Variants in STX8 observed in about 807,000 individuals in gnomAD.
STX8 encodes the protein syntaxin-8.
Under a neutral mutation model 37.5 loss-of-function variants are expected in STX8, and 23 were observed. The ratio of observed to expected loss-of-function variants is 0.61; its 90% CI spans 0.44 to 0.87. The LOEUF (loss-of-function observed/expected upper bound fraction) is 0.87. Among genes scored for constraint, STX8 ranks in the 40% least tolerant of loss-of-function variants. The pLI is 0.00. For synonymous variants in STX8, 115 were observed against 99.1 expected, an observed-to-expected ratio of 1.16 and a Z score of -0.95; for missense variants, 313 against 284.7, an observed-to-expected ratio of 1.10 and a Z score of -0.71.
At chr17:9,459,149 C>G (rs191517245) in intron 6 of STX8, among the ~76,000 whole-genome samples, 3 of 152,090 alleles carry the variant, frequency 2.0e-5, no homozygotes, top group Non-Finnish European at 4.4e-5. Context: ...GTTATTTTAA[C>G]AGAAAGAATT....
chr17:9,382,816 C>T (rs1911868023), intron 6 of STX8, among the ~76,000 whole-genome samples: 1 of 152,006 alleles, frequency 6.6e-6, no homozygotes, highest in Admixed American at 6.6e-5. Flanking sequence ...TTCTGATTTC[C>T]CCACAGGGCA....
chr17:9,560,671 A>C (rs1480252126), intron 2 of STX8, among the ~76,000 whole-genome samples: 1 of 152,106 alleles, frequency 6.6e-6, no homozygotes, highest in East Asian at 1.9e-4. Context: ...ATCTATAAAC[A>C]TACATGTCTA....
intron 6 of STX8, among the ~76,000 whole-genome samples, chr17:9,396,664 C>T (rs1040939793): frequency 2.7e-5 from 4 of 148,384 alleles, no homozygotes; most frequent in Admixed American, 6.7e-5. Flanking sequence ...GAGTCGAGAT[C>T]GAGCCATTGC....
At chr17:9,330,038 G>A (rs139645788) in intron 7 of STX8, among the ~76,000 whole-genome samples, 2,335 of 152,260 alleles carry the variant, frequency 0.015, 31 homozygotes, top group South Asian at 0.03. Context: ...GCAGAGGGCA[G>A]AGGTGCGATA....
intron 7 of STX8, among the ~76,000 whole-genome samples, chr17:9,259,876 G>A (rs574736055): frequency 9.9e-5 from 15 of 152,186 alleles, no homozygotes; most frequent in African/African-American, 2.9e-4. Context: ...GAGCCTGTGC[G>A]TCTGGCCATG....
intron 5 of STX8, among the ~76,000 whole-genome samples, chr17:9,501,385 A>T (rs1020437833): frequency 6.6e-6 from 1 of 152,212 alleles, no homozygotes; most frequent in Non-Finnish European, 1.5e-5. Context: ...ATGGAAAAGA[A>T]CAGAGAGTAC....
intron 6 of STX8, among the ~76,000 whole-genome samples, chr17:9,441,098 T>C (rs1436265687): frequency 6.6e-6 from 1 of 152,118 alleles, no homozygotes; most frequent in Non-Finnish European, 1.5e-5. Flanking sequence ...GGCGTGAAGA[T>C]GTACTCAAAT....
chr17:9,396,728 A>C (rs1443550833), intron 6 of STX8, among the ~76,000 whole-genome samples: 2 of 148,748 alleles, frequency 1.3e-5, no homozygotes, highest in Admixed American at 6.7e-5. Context: ...AAAAAAAAAA[A>C]CAACTCTATA....
intron 6 of STX8, among the ~76,000 whole-genome samples, chr17:9,449,491 A>G (rs28831421): frequency 0.11 from 15,953 of 151,724 alleles, 2,396 homozygotes; most frequent in African/African-American, 0.33. Flanking sequence ...ACCCCGGGGG[A>G]CGGAGCCTGC....
chr17:9,452,551 T>G (rs1905075837), intron 6 of STX8: 1 of 152,038 alleles, frequency 6.6e-6, no homozygotes, highest in East Asian at 1.9e-4. Flanking sequence ...CTGAACCCGA[T>G]GCCGCAGAAG....
chr17:9,544,508 A>C (rs1212462169), intron 4 of STX8, among the ~76,000 whole-genome samples: 2 of 152,236 alleles, frequency 1.3e-5, no homozygotes, highest in East Asian at 3.9e-4. Context: ...CCAATTAAAA[A>C]AAAAAACAAA....
chr17:9,519,701 G>C (rs9904848), intron 4 of STX8, among the ~76,000 whole-genome samples: 148,444 of 150,716 alleles, frequency 0.98, 73,148 homozygotes, highest in Middle Eastern at 1. Context: ...CAACATCCCC[G>C]CTTCCACACC....
At chr17:9,258,501 T>G (rs992977637) in intron 7 of STX8, among the ~76,000 whole-genome samples, 3 of 152,338 alleles carry the variant, frequency 2.0e-5, no homozygotes, top group African/African-American at 7.2e-5. Context: ...AGTGTGACAC[T>G]AGCAGCCTTC....
intron 7 of STX8, among the ~76,000 whole-genome samples, chr17:9,262,259 G>A (rs534109037): frequency 5.1e-4 from 77 of 152,296 alleles, no homozygotes; most frequent in Middle Eastern, 3.4e-3. Flanking sequence ...CCCAGTAGCC[G>A]TGTCTGTTCA....
chr17:9,515,140 AC>A (rs1024823297), intron 4 of STX8, among the ~76,000 whole-genome samples: 3 of 152,210 alleles, frequency 2.0e-5, no homozygotes, highest in African/African-American at 7.2e-5. Flanking sequence ...GTGGGATGAA[AC>A]AATGTGTAAA....
intron 7 of STX8, among the ~76,000 whole-genome samples, chr17:9,302,355 T>C (rs978467191): frequency 1.3e-5 from 2 of 152,218 alleles, no homozygotes; most frequent in African/African-American, 4.8e-5. Flanking sequence ...AATAGATAGT[T>C]TTTATATTTA....
At chr17:9,258,871 G>A (rs78402762) in intron 7 of STX8, among the ~76,000 whole-genome samples, 336 of 152,302 alleles carry the variant, frequency 2.2e-3, no homozygotes, top group Non-Finnish European at 4.0e-3. Context: ...GGGCAGGGCC[G>A]AAGCCTTGAA....
chr17:9,315,283 A>C (rs1597599995), intron 7 of STX8, among the ~76,000 whole-genome samples: 2 of 148,094 alleles, frequency 1.4e-5, no homozygotes, highest in East Asian at 1.9e-4. Flanking sequence ...AGTTAAAAAA[A>C]CAAAAACAAC....
chr17:9,401,386 T>C (rs1247594006), intron 6 of STX8, among the ~76,000 whole-genome samples: 2 of 152,214 alleles, frequency 1.3e-5, no homozygotes, highest in Non-Finnish European at 2.9e-5. Context: ...GTAATACAAT[T>C]TTGAAGCACT....
Sources: gnomAD v4.1 joint callset for allele counts (sites outside exome capture counted in the v4.1 genomes callset) on GRCh38, gnomAD v4.1.1 for gene constraint, MANE v1.5 for transcripts, NCBI Gene and HGNC (gene_info 2026-07-23, HGNC 2026-07-21) for gene names.